The following HDAC9 variants were observed in gnomAD, a reference collection of about 807,000 sequenced individuals.
HDAC9 encodes the protein histone deacetylase 9, also known as MEF-2 interacting transcription repressor (MITR) protein.
In HDAC9, 41 loss-of-function variants were observed where a neutral mutation model predicts 139.4. The observed-to-expected ratio is 0.29, with a 90% CI of 0.23 to 0.38. HDAC9 has a LOEUF of 0.38. Among genes scored for constraint, HDAC9 ranks in the 10% least tolerant of loss-of-function variants. The pLI, the probability that HDAC9 is intolerant of heterozygous loss-of-function variation, is 1.00. For missense variants in HDAC9, 1,147 were observed against 1,297.0 expected (o/e 0.88, Z 1.78); for synonymous variants, 517 against 476.2 (o/e 1.09, Z -1.12).
chr7:18,721,900 G>T (rs796506907), intron 12 of HDAC9, among the ~76,000 whole-genome samples: 8 of 152,134 alleles, frequency 5.3e-5, no homozygotes, highest in African/African-American at 1.7e-4. Context: ...GTCATACAAA[G>T]ACCTTCTAGA....
chr7:18,893,714 A>G (rs1800908599), intron 22 of HDAC9, among the ~76,000 whole-genome samples: 1 of 152,204 alleles, frequency 6.6e-6, no homozygotes, highest in Non-Finnish European at 1.5e-5. Flanking sequence ...AACATAGAGT[A>G]CATTAGGAGT....
At chr7:18,251,910 A>C (rs116694150) in intron 2 of HDAC9, among the ~76,000 whole-genome samples, 20 of 152,346 alleles carry the variant, frequency 1.3e-4, no homozygotes, top group African/African-American at 4.6e-4. Context: ...AAGGAGGGAA[A>C]TTAGATGCAC....
chr7:18,250,674 G>C (rs1467275183), intron 2 of HDAC9, among the ~76,000 whole-genome samples: 2 of 152,108 alleles, frequency 1.3e-5, no homozygotes, highest in African/African-American at 4.8e-5. Flanking sequence ...TTAAATTCTA[G>C]AGTGGTCTTT....
chr7:18,424,713 AG>A (rs1789949887), intron 1 of HDAC9, among the ~76,000 whole-genome samples: 1 of 152,172 alleles, frequency 6.6e-6, no homozygotes, highest in African/African-American at 2.4e-5. Flanking sequence ...GTTTGAGGCC[AG>A]CCAGGCCAAC....
At chr7:18,727,505 G>T in intron 12 of HDAC9, 75 bp from the exon 13 acceptor site, 2 of 1,237,124 alleles carry the variant, frequency 1.6e-6, no homozygotes, top group Admixed American at 2.8e-5. Context: ...AACTTAATTT[G>T]TTGACATGTC....
At chr7:18,593,267 TCAATATTCAGTCCTATAAAC>T (rs1453407685) in intron 5 of HDAC9, among the ~76,000 whole-genome samples, 2 of 152,038 alleles carry the variant, frequency 1.3e-5, no homozygotes, top group Non-Finnish European at 2.9e-5. Flanking sequence ...TACTAGATAG[TCAATATTCAGTCCTATAAAC>T]TATTCTCCAG....
rs75944396 is a variant in HDAC9 at position 18,229,591 on chromosome 7, A to G, written c.25+67242A>G. Among the ~76,000 whole-genome samples the G allele has an allele frequency of 6.4e-3, 982 of 152,280 alleles. 16 individuals carry two copies. Among genetic ancestry groups the G allele is most frequent in the African/African-American group, 0.023 (948 of 41,558 alleles). On this transcript the variant is annotated intron_variant, in intron 2 of 12. Transcript: ENST00000417496. ...ACTTGGTGAGTTATGGATGGCAAAG[A>G]TGTCTTTCAACTATGCACAAAAATT...
chr7:18,775,458 T>G (rs1392535118), intron 16 of HDAC9, among the ~76,000 whole-genome samples: 1 of 152,074 alleles, frequency 6.6e-6, no homozygotes, highest in Non-Finnish European at 1.5e-5. Context: ...CTTCTCAAAA[T>G]GACTTGTATC....
chr7:18,951,798 C>T (rs777923108), intron 23 of HDAC9, among the ~76,000 whole-genome samples: 1 of 151,674 alleles, frequency 6.6e-6, no homozygotes, highest in Admixed American at 6.6e-5. Context: ...TGACAACACT[C>T]ATAAATATTT....
At chr7:18,258,951 CTT>C (rs199607615) in intron 2 of HDAC9, among the ~76,000 whole-genome samples, 11 of 98,364 alleles carry the variant, frequency 1.1e-4, no homozygotes, top group East Asian at 6.8e-4. Flanking sequence ...TCTTCTTCTC[CTT>C]TTTTTTTTTT....
chr7:18,850,705 C>G (rs1797223324), intron 21 of HDAC9, among the ~76,000 whole-genome samples: 1 of 152,158 alleles, frequency 6.6e-6, no homozygotes, highest in Non-Finnish European at 1.5e-5. Context: ...ATTAAGGCTG[C>G]TGTCACAACA....
At chr7:18,835,854 A>G (rs1456014744) in intron 20 of HDAC9, 46 bp from the exon 21 acceptor site, 4 of 1,309,572 alleles carry the variant, frequency 3.1e-6, no homozygotes, top group Non-Finnish European at 4.3e-6. Flanking sequence ...GCTTTCTTCC[A>G]TTTGCTCTCT....
chr7:18,490,128 A>G (rs1028369098), intron 1 of HDAC9, among the ~76,000 whole-genome samples: 1 of 152,076 alleles, frequency 6.6e-6, no homozygotes, highest in Non-Finnish European at 1.5e-5. Flanking sequence ...AAGATACTTT[A>G]TTCTTTTATA....
Position 18,260,329 on chromosome 7 carries a change from T to G in HDAC9, c.25+97980T>G, listed in dbSNP as rs983325980. ...TTTTTTTGTTTTTTTTTTTGTTTTT[T>G]TTTTTTTTGAGATGGAGTGAACTCT... is the stretch of plus-strand genomic sequence containing the variant. On this transcript the variant is annotated intron_variant, in intron 2 of 12. Transcript: ENST00000417496. Among the ~76,000 whole-genome samples the G allele has an allele frequency of 1.1e-3, 158 of 147,464 alleles. 1 individual carries two copies. Among genetic ancestry groups the G allele is most frequent in the Middle Eastern group, 3.4e-3 (1 of 292 alleles).
At chr7:18,142,924 C>T (rs986185111) in intron 1 of HDAC9, among the ~76,000 whole-genome samples, 5 of 152,188 alleles carry the variant, frequency 3.3e-5, no homozygotes, top group Non-Finnish European at 7.3e-5. Context: ...TATAACCTTC[C>T]GTTGTAACAG....
At position 18,571,420 on chromosome 7, in the gene HDAC9, A is replaced by G. The variant is rs562928733; in HGVS notation, c.23-13861A>G. Among the ~76,000 whole-genome samples, 12 of 152,320 alleles carry G rather than the reference A, an allele frequency of 7.9e-5. No individual in the cohort carries two copies. The East Asian group carries it at 1.7e-3, about 22-fold the overall frequency. On this transcript the variant is annotated intron_variant, in intron 2 of 25. Coordinates refer to ENST00000686413, the MANE Select transcript of HDAC9 (RefSeq NM_178425.4). ...AAGGAATAGCGGAGGAAGTGAGTGG[A>G]TAGAACCTTGGTTCCTCCTCTCCGT...
intron 22 of HDAC9, among the ~76,000 whole-genome samples, chr7:18,885,736 G>GAAAAGAAAATTTTTCC (rs1217031532): frequency 1.3e-5 from 2 of 151,920 alleles, no homozygotes; most frequent in African/African-American, 4.8e-5. Context: ...AATATTTTTC[G>GAAAAGAAAATTTTTCC]AAAAGAAAAT....
chr7:18,465,758 T>G (rs149282644), intron 1 of HDAC9, among the ~76,000 whole-genome samples: 1 of 152,346 alleles, frequency 6.6e-6, no homozygotes, highest in Non-Finnish European at 1.5e-5. Context: ...TGTCTGATCT[T>G]CTTAATCAGT....
intron 2 of HDAC9, among the ~76,000 whole-genome samples, chr7:18,549,801 T>C (rs567750922): frequency 1.5e-4 from 22 of 151,644 alleles, no homozygotes; most frequent in Non-Finnish European, 1.5e-5. Context: ...CACCCACACA[T>C]ACACACAGTT....
Sources: gnomAD v4.1 joint callset for allele counts (sites outside exome capture counted in the v4.1 genomes callset) on GRCh38, gnomAD v4.1.1 for gene constraint, MANE v1.5 for transcripts, NCBI Gene and HGNC (gene_info 2026-07-23, HGNC 2026-07-21) for gene names.